The following DNAJB1 variants were observed in gnomAD, a reference collection of about 807,000 sequenced individuals.
DNAJB1 encodes the protein DnaJ heat shock protein family (Hsp40) member B1.
A neutral mutation model predicts 24.0 loss-of-function variants in DNAJB1; 14 were observed. The observed-to-expected ratio is 0.58, with a 90% confidence interval of 0.39 to 0.91. The LOEUF is 0.91. Ranked by LOEUF, DNAJB1 falls within the 40% of genes least tolerant of loss-of-function variation. The probability of loss-of-function intolerance (pLI) is 0.00; values close to 1 mark genes in which losing one functional copy is unlikely to be tolerated. For synonymous variants in DNAJB1, 262 were observed against 174.4 expected (o/e 1.50, Z -3.96); for missense variants, 517 against 458.1 (o/e 1.13, Z -1.17).
At chr19:14,521,018 T>C (rs1324265434), upstream of DNAJB1, among the ~76,000 whole-genome samples, 2 of 152,100 alleles carry the variant, frequency 1.3e-5, no homozygotes, top group African/African-American at 4.8e-5. Context: ...TATAAATAAC[T>C]ATCAGGAGCA....
chr19:14,519,064 T>TTCTATTTAAGA (rs1354009305), upstream of DNAJB1, among the ~76,000 whole-genome samples: 2 of 151,902 alleles, frequency 1.3e-5, no homozygotes, highest in African/African-American at 4.8e-5. Context: ...GAGACTCCGT[T>TTCTATTTAAGA]TCTATTTAAG....
upstream of DNAJB1, among the ~76,000 whole-genome samples, chr19:14,551,616 A>C (rs541556159): frequency 2.0e-5 from 3 of 152,218 alleles, no homozygotes; most frequent in African/African-American, 7.2e-5. Context: ...ACAGGAAAAC[A>C]TGCAGGAGGC....
upstream of DNAJB1, among the ~76,000 whole-genome samples, chr19:14,555,224 G>C (rs554037628): frequency 2.6e-5 from 4 of 151,714 alleles, no homozygotes; most frequent in African/African-American, 7.3e-5. Context: ...AGGACCATAG[G>C]TGCGAGTCAC....
upstream of DNAJB1, among the ~76,000 whole-genome samples, chr19:14,551,911 C>T (rs2073522849): frequency 7.1e-6 from 1 of 140,834 alleles, no homozygotes. Context: ...CTCTCTCTCT[C>T]CCCCTCCCTC....
In DNAJB1 at chr19:14,518,133, A is replaced by G. The variant is rs939933806; in HGVS notation, c.211+6T>C. The G allele has an allele frequency of 2.6e-6, 4 of 1,526,538 alleles. No homozygotes were observed. The highest frequency in any genetic ancestry group is 2.1e-5 in the Admixed American group (1 of 47,596). 94.6% of individuals were successfully genotyped at this position (1,526,538 alleles called of 1,614,324 possible). The stretch of plus-strand genomic sequence containing the variant: ...CGGGGCCGCGCCCCTGGCCGCGAGC[A>G]CACACCTTCCTCCCCGTAGCGGTCG... On this transcript the variant is annotated splice_donor_region_variant and intron_variant, in intron 1 of 2. Coordinates refer to ENST00000254322, the MANE Select transcript of DNAJB1 (RefSeq NM_006145.3).
intron 1 of DNAJB1, among the ~76,000 whole-genome samples, chr19:14,539,486 C>G (rs917896444): frequency 6.6e-6 from 1 of 152,090 alleles, no homozygotes. Flanking sequence ...TGCTTCTGTT[C>G]CTGCTCCCTC....
intron 1 of DNAJB1, among the ~76,000 whole-genome samples, chr19:14,535,198 C>A (rs8113070): frequency 0.26 from 39,411 of 151,122 alleles, 5,671 homozygotes; most frequent in African/African-American, 0.38. Context: ...CATGGCGAAA[C>A]CCCCTCTCCA....
chr19:14,518,767 C>G (rs2146525896), upstream of DNAJB1, among the ~76,000 whole-genome samples: 1 of 152,352 alleles, frequency 6.6e-6, no homozygotes, highest in East Asian at 1.9e-4. Flanking sequence ...CTTGCTGTTC[C>G]AGGAAGGGGT....
chr19:14,553,151 G>A (rs2073596485), upstream of DNAJB1, among the ~76,000 whole-genome samples: 2 of 152,234 alleles, frequency 1.3e-5, no homozygotes, highest in Middle Eastern at 3.4e-3. Context: ...GAGCTCGTGC[G>A]TCCGATGACC....
intron 2 of DNAJB1, among the ~76,000 whole-genome samples, chr19:14,523,497 A>G (rs2072385205): frequency 6.6e-6 from 1 of 151,404 alleles, no homozygotes; most frequent in South Asian, 2.1e-4. Context: ...TATTTTTAGT[A>G]GAGACTGGGT....
At chr19:14,552,945 T>C (rs1049716208), upstream of DNAJB1, among the ~76,000 whole-genome samples, 1 of 152,006 alleles carries the variant, frequency 6.6e-6, no homozygotes, top group Admixed American at 6.6e-5. Context: ...ACGGGCGAGA[T>C]CAGCGTCGCT....
At chr19:14,552,535 TTTC>T (rs763213429), upstream of DNAJB1, among the ~76,000 whole-genome samples, 4 of 151,094 alleles carry the variant, frequency 2.6e-5, no homozygotes, top group Non-Finnish European at 4.4e-5. Context: ...TTTCTTTTCT[TTTC>T]TTTTCTTTTT....
At chr19:14,546,938 G>C (rs894917097) in intron 1 of DNAJB1, among the ~76,000 whole-genome samples, 5 of 152,158 alleles carry the variant, frequency 3.3e-5, no homozygotes, top group Non-Finnish European at 7.4e-5. Context: ...GATCTGATCT[G>C]CCCGCCTTGG....
intron 1 of DNAJB1, among the ~76,000 whole-genome samples, chr19:14,543,681 T>G (rs113110209): frequency 0.35 from 51,148 of 144,390 alleles, 9,183 homozygotes; most frequent in Non-Finnish European, 0.42. Context: ...CTCGTGATCC[T>G]CCCGCCTCGG....
upstream of DNAJB1, chr19:14,531,151 C>T (rs571089624): frequency 6.6e-6 from 1 of 152,258 alleles, no homozygotes; most frequent in African/African-American, 2.4e-5. Context: ...TCTCCTGCCT[C>T]AGCCTCCTGA....
chr19:14,551,152 A>G (rs547525749), upstream of DNAJB1, among the ~76,000 whole-genome samples: 3 of 151,306 alleles, frequency 2.0e-5, no homozygotes, highest in Admixed American at 6.6e-5. Flanking sequence ...GCTCACTGCA[A>G]CCTCCACCTC....
chr19:14,543,821 C>T (rs2073211806), intron 1 of DNAJB1, among the ~76,000 whole-genome samples: 1 of 151,870 alleles, frequency 6.6e-6, no homozygotes, highest in African/African-American at 2.4e-5. Flanking sequence ...TCATTGCAAC[C>T]TCTGCCTCCC....
At chr19:14,541,376 C>T (rs1462490092) in intron 1 of DNAJB1, among the ~76,000 whole-genome samples, 1 of 152,038 alleles carries the variant, frequency 6.6e-6, no homozygotes. Flanking sequence ...GCACAGCGGC[C>T]CTTCTGAGAT....
chr19:14,516,232 G>A, intron 2 of DNAJB1, 62 bp from the exon 3 acceptor site: 8 of 1,580,732 alleles, frequency 5.1e-6, no homozygotes, highest in South Asian at 1.1e-5. Context: ...CTCTTGCCCA[G>A]AGGCCGTCTG....
Sources: gnomAD v4.1 joint callset for allele counts (sites outside exome capture counted in the v4.1 genomes callset) on GRCh38, gnomAD v4.1.1 for gene constraint, MANE v1.5 for transcripts, NCBI Gene and HGNC (gene_info 2026-07-23, HGNC 2026-07-21) for gene names.